RORB: variants seen among roughly 807,000 people sequenced by gnomAD.
RORB encodes the protein RAR related orphan receptor B.
In RORB, 6 loss-of-function variants were observed where a neutral mutation model predicts 59.1. The ratio of observed to expected loss-of-function variants is 0.10; its 90% confidence interval spans 0.06 to 0.20. The LOEUF is 0.20. Among genes scored for constraint, RORB ranks in the 10% least tolerant of loss-of-function variants. The pLI is 1.00. For missense variants in RORB, 320 were observed against 560.5 expected (o/e 0.57, Z 4.33); for synonymous variants, 215 against 204.5 (o/e 1.05, Z -0.44).
intron 1 of RORB, among the ~76,000 whole-genome samples, chr9:74,603,457 T>C (rs1823100640): frequency 6.6e-6 from 1 of 152,148 alleles, no homozygotes; most frequent in Non-Finnish European, 1.5e-5. Context: ...AGTGGACTAG[T>C]CATAATATGA....
chr9:74,610,993 A>T (rs1203212308), intron 1 of RORB, among the ~76,000 whole-genome samples: 1 of 152,108 alleles, frequency 6.6e-6, no homozygotes. Context: ...TTTTAATGAC[A>T]TTTCTTCTAT....
chr9:74,600,224 C>T (rs1364353677), intron 1 of RORB, among the ~76,000 whole-genome samples: 1 of 152,146 alleles, frequency 6.6e-6, no homozygotes, highest in Non-Finnish European at 1.5e-5. Context: ...CAGTATTTCT[C>T]CTAGAGGTGG....
intron 1 of RORB, among the ~76,000 whole-genome samples, chr9:74,605,905 C>T (rs1425831046): frequency 6.6e-6 from 1 of 152,052 alleles, no homozygotes; most frequent in African/African-American, 2.4e-5. Context: ...TCCTAGGGTT[C>T]CTGGACCACA....
chr9:74,687,209 G>A lies in RORB; in HGVS notation c.*1591G>A, dbSNP rs1824662474. 2 of 151,708 alleles carry A rather than the reference G, an allele frequency of 1.3e-5. No homozygotes were observed. Among genetic ancestry groups the A allele is most frequent in the Middle Eastern group, 6.8e-3 (2 of 294 alleles). The allele number at this position is 151,708 out of a possible 1,614,324, so 9.4% of individuals were successfully genotyped here. ...AAAAAGAAAACAAGCTAAGAGAGAA[G>A]TTTGTGTATAAGACAATGAAAATTA... On this transcript the variant is annotated 3_prime_UTR_variant, in exon 10 of 10. Coordinates refer to ENST00000376896, the MANE Select transcript of RORB (RefSeq NM_006914.4).
At chr9:74,683,189 G>A (rs1482578881) in intron 9 of RORB, among the ~76,000 whole-genome samples, 1 of 152,186 alleles carries the variant, frequency 6.6e-6, no homozygotes, top group Non-Finnish European at 1.5e-5. Context: ...AACTGCAGAT[G>A]ATTGTAGAAA....
intron 1 of RORB, among the ~76,000 whole-genome samples, chr9:74,508,412 A>T (rs143619877): frequency 2.0e-5 from 3 of 151,952 alleles, no homozygotes; most frequent in African/African-American, 7.2e-5. Context: ...CTGATTTGGA[A>T]TTTTTTCCAC....
chr9:74,567,067 G>A (rs1241029426), intron 1 of RORB, among the ~76,000 whole-genome samples: 9 of 150,568 alleles, frequency 6.0e-5, no homozygotes. Flanking sequence ...TCGCTCTGTC[G>A]CCCAGGCTGG....
Position 74,667,854 on chromosome 9 carries a change from C to T in RORB, c.1064C>T (p.Thr355Ile), listed in dbSNP as rs2118532967. The change falls in exon 8 of 10, where the codon ACC (threonine) becomes ATC (isoleucine). Residue 355 changes from threonine to isoleucine, a missense_variant. By Grantham distance (89) the Thr-to-Ile change is moderately conservative. Around this residue, in one of 4 missense-constraint regions of RORB, gnomAD observed 109 missense variants for 171.0 expected, o/e 0.64. Coordinates refer to ENST00000376896, the MANE Select transcript of RORB (RefSeq NM_006914.4). Reference sequence around the variant, plus strand: ...AAGAATTTGTGTTCCTTGCAGCTGACCGAGGAGGAGATCGCTTTGTTCTCA... The same window carrying T: ...AAGAATTTGTGTTCCTTGCAGCTGATCGAGGAGGAGATCGCTTTGTTCTCA... ...FAKNLCSLQL[T>I]EEEIALFSSA... 6.2e-7 allele frequency: 1 copy of T among 1,613,688 alleles called. No individual in the cohort carries two copies. Among genetic ancestry groups the T allele is most frequent in the Non-Finnish European group, 8.5e-7 (1 of 1,179,654 alleles).
At chr9:74,572,885 G>T (rs540471860) in intron 1 of RORB, among the ~76,000 whole-genome samples, 35 of 152,306 alleles carry the variant, frequency 2.3e-4, no homozygotes, top group South Asian at 6.2e-4. Context: ...CAAAGGGTAA[G>T]AATGTGAGGA....
At chr9:74,512,409 T>C (rs1825951704) in intron 1 of RORB, among the ~76,000 whole-genome samples, 1 of 152,192 alleles carries the variant, frequency 6.6e-6, no homozygotes, top group South Asian at 2.1e-4. Context: ...TGTTATAAAC[T>C]CATTGGTATT....
At chr9:74,645,621 A>C (rs1461785165) in intron 4 of RORB, among the ~76,000 whole-genome samples, 2 of 152,274 alleles carry the variant, frequency 1.3e-5, no homozygotes, top group African/African-American at 2.4e-5. Flanking sequence ...TTAATTGACT[A>C]TTAGTATCAC....
At chr9:74,525,405 T>C (rs530237916) in intron 1 of RORB, among the ~76,000 whole-genome samples, 1 of 151,960 alleles carries the variant, frequency 6.6e-6, no homozygotes, top group South Asian at 2.1e-4. Context: ...AAAAGTTATA[T>C]AGTCTAGTTC....
intron 1 of RORB, among the ~76,000 whole-genome samples, chr9:74,606,223 C>G (rs1169098810): frequency 1.3e-5 from 2 of 152,166 alleles, no homozygotes; most frequent in African/African-American, 4.8e-5. Flanking sequence ...TCTATGGACC[C>G]TGGAGAGATC....
chr9:74,564,396 T>C (rs1363430079), intron 1 of RORB, among the ~76,000 whole-genome samples: 2 of 152,224 alleles, frequency 1.3e-5, no homozygotes, highest in Admixed American at 1.3e-4. Flanking sequence ...GCCTCTGTAT[T>C]TGAATTGTTT....
At chr9:74,531,283 T>C (rs376801303) in intron 1 of RORB, among the ~76,000 whole-genome samples, 10 of 151,978 alleles carry the variant, frequency 6.6e-5, no homozygotes, top group African/African-American at 2.4e-4. Flanking sequence ...TTTCTGCTTT[T>C]TAAAACGCAG....
chr9:74,593,940 CA>C (rs1822936907), intron 1 of RORB, among the ~76,000 whole-genome samples: 1 of 152,026 alleles, frequency 6.6e-6, no homozygotes, highest in Non-Finnish European at 1.5e-5. Context: ...TGAGTCTTCA[CA>C]AAAAGTTAAC....
At chr9:74,514,697 C>T (rs942170388) in intron 1 of RORB, among the ~76,000 whole-genome samples, 20 of 148,380 alleles carry the variant, frequency 1.3e-4, no homozygotes, top group African/African-American at 2.9e-4. Flanking sequence ...ATTATATATA[C>T]GTAAAATGAA....
At chr9:74,635,642 C>T (rs1434072537) in intron 3 of RORB, among the ~76,000 whole-genome samples, 2 of 152,072 alleles carry the variant, frequency 1.3e-5, no homozygotes, top group African/African-American at 4.8e-5. Flanking sequence ...AAGCACACAC[C>T]TAAATGTTTG....
chr9:74,684,519 C>T (rs1824604245), intron 9 of RORB, among the ~76,000 whole-genome samples: 3 of 151,744 alleles, frequency 2.0e-5, no homozygotes, highest in African/African-American at 4.9e-5. Context: ...ATGATGGATT[C>T]GAAATGTGCC....
Sources: gnomAD v4.1 joint callset for allele counts (sites outside exome capture counted in the v4.1 genomes callset) on GRCh38, gnomAD v4.1.1 for gene constraint, gnomAD v4.1.1 regional missense constraint, MANE v1.5 for transcripts, NCBI Gene and HGNC (gene_info 2026-07-23, HGNC 2026-07-21) for gene names.